PCLO: variants seen among roughly 807,000 people sequenced by gnomAD.
PCLO encodes the protein protein piccolo.
Under a neutral mutation model 427.5 loss-of-function variants are expected in PCLO, and 82 were observed. The ratio of observed to expected loss-of-function variants is 0.19; its 90% CI spans 0.16 to 0.23. PCLO has a LOEUF of 0.23. Among genes scored for constraint, PCLO ranks in the 10% least tolerant of loss-of-function variants. The probability of loss-of-function intolerance (pLI) is 1.00; values close to 1 mark genes in which losing one functional copy is unlikely to be tolerated. For missense variants in PCLO, 6,239 were observed against 6,115.9 expected (o/e 1.02, Z -0.67); for synonymous variants, 2,357 against 2,155.4 (o/e 1.09, Z -2.59).
chr7:82,871,875 G>A (rs1177558123), intron 10 of PCLO, among the ~76,000 whole-genome samples: 1 of 151,658 alleles, frequency 6.6e-6, no homozygotes, highest in Non-Finnish European at 1.5e-5. Flanking sequence ...TTAAAAAATG[G>A]TGCATAGGAA....
At chr7:82,927,525 C>A (rs1428946197) in intron 6 of PCLO, among the ~76,000 whole-genome samples, 2 of 152,136 alleles carry the variant, frequency 1.3e-5, no homozygotes, top group African/African-American at 4.8e-5. Context: ...CCACAATCAG[C>A]ATATCGATCC....
At chr7:82,783,247 T>C (rs1365121296) in intron 22 of PCLO, among the ~76,000 whole-genome samples, 1 of 152,244 alleles carries the variant, frequency 6.6e-6, no homozygotes, top group Non-Finnish European at 1.5e-5. Context: ...TGAGTTTGTT[T>C]GTGTAGTTTT....
chr7:82,830,436 TAGAA>T (rs577082093), intron 16 of PCLO, among the ~76,000 whole-genome samples: 59 of 152,062 alleles, frequency 3.9e-4, no homozygotes, highest in South Asian at 1.5e-3. Context: ...AATTAATACA[TAGAA>T]AGAGTTAATA....
chr7:83,114,160 C>G (rs577870851), intron 3 of PCLO, among the ~76,000 whole-genome samples: 1 of 152,094 alleles, frequency 6.6e-6, no homozygotes, highest in African/African-American at 2.4e-5. Flanking sequence ...TTTTCCTTCA[C>G]TGAATAAACA....
At chr7:82,939,597 AT>A (rs983287249) in intron 6 of PCLO, among the ~76,000 whole-genome samples, 3 of 151,100 alleles carry the variant, frequency 2.0e-5, no homozygotes, top group African/African-American at 4.8e-5. Context: ...TGAAAAAAAA[AT>A]ATATTTCTTT....
chr7:82,913,689 A>T (rs976529835), intron 7 of PCLO, among the ~76,000 whole-genome samples: 5 of 152,102 alleles, frequency 3.3e-5, no homozygotes, highest in Non-Finnish European at 4.4e-5. Context: ...TTATGGTTGT[A>T]TATCTTTAAA....
intron 3 of PCLO, among the ~76,000 whole-genome samples, chr7:83,016,448 T>G (rs1329574086): frequency 6.6e-6 from 1 of 152,176 alleles, no homozygotes; most frequent in Non-Finnish European, 1.5e-5. Flanking sequence ...TTCCTCATGT[T>G]GATTTAGGAA....
intron 3 of PCLO, among the ~76,000 whole-genome samples, chr7:83,043,719 A>G (rs1789027033): frequency 1.3e-5 from 2 of 152,128 alleles, no homozygotes; most frequent in Non-Finnish European, 2.9e-5. Context: ...TCTGACAGCA[A>G]CTTAAAGATT....
At chr7:83,053,870 C>G (rs1789313551) in intron 3 of PCLO, among the ~76,000 whole-genome samples, 1 of 151,852 alleles carries the variant, frequency 6.6e-6, no homozygotes. Context: ...TTTAACAAAA[C>G]TACCAGACAC....
intron 3 of PCLO, among the ~76,000 whole-genome samples, chr7:82,999,259 A>C (rs1787715444): frequency 7.0e-6 from 1 of 142,518 alleles, no homozygotes; most frequent in East Asian, 2.0e-4. Flanking sequence ...TGGATATATA[A>C]TAAATATTAC....
intron 9 of PCLO, among the ~76,000 whole-genome samples, chr7:82,897,484 A>T (rs1793933760): frequency 6.6e-6 from 1 of 151,556 alleles, no homozygotes; most frequent in African/African-American, 2.4e-5. Flanking sequence ...CTGTGTGTGT[A>T]TACACACACA....
Position 82,793,156 on chromosome 7 carries a change from A to G in PCLO, c.15007+8362T>C, listed in dbSNP as rs578262057. Among the ~76,000 whole-genome samples the G allele has an allele frequency of 2.6e-5, 4 of 152,160 alleles. No individual in the cohort carries two copies. The East Asian group carries it at 5.8e-4, about 22-fold the overall frequency. ...CTCTTCTCTCCTGCATGAGCACCCC[A>G]TTCACTGCCCACGTGCAGCCTAGAA... On this transcript the variant is annotated intron_variant, in intron 22 of 24. Transcript: ENST00000333891.
intron 3 of PCLO, among the ~76,000 whole-genome samples, chr7:83,022,241 G>A (rs927121465): frequency 1.3e-5 from 2 of 152,282 alleles, no homozygotes; most frequent in African/African-American, 4.8e-5. Context: ...AAGTCTGCTG[G>A]TGTCTTGATC....
At chr7:83,110,702 A>G (rs1320129169) in intron 3 of PCLO, among the ~76,000 whole-genome samples, 1 of 152,142 alleles carries the variant, frequency 6.6e-6, no homozygotes, top group South Asian at 2.1e-4. Flanking sequence ...TCCATTATAC[A>G]TGAATATTAC....
chr7:82,842,059 G>C (rs1792381248), intron 13 of PCLO, among the ~76,000 whole-genome samples: 1 of 151,926 alleles, frequency 6.6e-6, no homozygotes, highest in African/African-American at 2.4e-5. Context: ...TTCATTTACA[G>C]CCACAAAAGA....
Position 82,915,683 on chromosome 7 carries a change from G to A in PCLO, c.12303C>T (p.Ser4101=), listed in dbSNP as rs761697601. 1.9e-6 allele frequency: 3 copies of A among 1,612,894 alleles called. No individual in the cohort carries two copies. Among genetic ancestry groups the A allele is most frequent in the Admixed American group, 1.7e-5 (1 of 59,842 alleles). Residue 4101 remains serine (S), a synonymous_variant, in exon 7 of 25, where the codon TCC becomes TCT. Coordinates refer to ENST00000333891, the MANE Select transcript of PCLO (RefSeq NM_033026.6). ...CCTTCACATAACTATGCAATCTAGA[G>A]GAAGACTGTAAAGGTGCTAGGAAAT... ...VTDFLAPLQS[S]SRLHSYVKAE...
chr7:82,921,354 G>T (rs1168506899), intron 6 of PCLO, among the ~76,000 whole-genome samples: 1 of 151,746 alleles, frequency 6.6e-6, no homozygotes, highest in African/African-American at 2.4e-5. Flanking sequence ...ATACTACAAG[G>T]TTATAGTAAA....
intron 3 of PCLO, among the ~76,000 whole-genome samples, chr7:83,049,352 C>T (rs1365497839): frequency 4.6e-5 from 7 of 152,142 alleles, no homozygotes; most frequent in Non-Finnish European, 8.8e-5. Context: ...CAAGTTCCTA[C>T]AGTTGAGTGC....
chr7:82,796,388 C>A (rs900681513), intron 22 of PCLO, among the ~76,000 whole-genome samples: 1 of 152,112 alleles, frequency 6.6e-6, no homozygotes, highest in Non-Finnish European at 1.5e-5. Flanking sequence ...ACCCTTTGCT[C>A]TAGCTTCACT....
Sources: gnomAD v4.1 joint callset for allele counts (sites outside exome capture counted in the v4.1 genomes callset) on GRCh38, gnomAD v4.1.1 for gene constraint, MANE v1.5 for transcripts, NCBI Gene and HGNC (gene_info 2026-07-23, HGNC 2026-07-21) for gene names.